Variants in TES observed in about 807,000 individuals in gnomAD.
TES encodes the protein testin.
Under a neutral mutation model 48.2 loss-of-function variants are expected in TES, and 41 were observed. The ratio of observed to expected loss-of-function variants is 0.85; its 90% CI spans 0.66 to 1.10. The LOEUF (loss-of-function observed/expected upper bound fraction) is 1.10. Ranked by LOEUF, TES falls within the 50% of genes least tolerant of loss-of-function variation. The pLI, the probability that TES is intolerant of heterozygous loss-of-function variation, is 0.00. For missense variants in TES, 463 were observed against 515.1 expected, an observed-to-expected ratio of 0.90 and a Z score of 0.98; for synonymous variants, 162 against 174.9, an observed-to-expected ratio of 0.93 and a Z score of 0.58.
At chr7:116,222,699 A>G (rs1408181139) in intron 1 of TES, 1 of 152,224 alleles carries the variant, frequency 6.6e-6, no homozygotes, top group Non-Finnish European at 1.5e-5. Flanking sequence ...CTGTGGAGAT[A>G]GTGACACAAG....
At chr7:116,247,612 T>C (rs1361703447) in intron 2 of TES, among the ~76,000 whole-genome samples, 6 of 152,162 alleles carry the variant, frequency 3.9e-5, no homozygotes, top group Non-Finnish European at 8.8e-5. Flanking sequence ...TTGATAAAAA[T>C]CAAATGAATA....
intron 1 of TES, among the ~76,000 whole-genome samples, chr7:116,224,390 A>G (rs908801111): frequency 1.3e-5 from 2 of 152,140 alleles, no homozygotes; most frequent in African/African-American, 4.8e-5. Context: ...AAAGAATGAT[A>G]TTTTGCTTCA....
At chr7:116,249,336 T>C in intron 3 of TES, 64 bp downstream of exon 3, 1 of 1,590,848 alleles carries the variant, frequency 6.3e-7, no homozygotes, top group Non-Finnish European at 8.6e-7. Flanking sequence ...TGGGGCAGTT[T>C]CTTTGATGAC....
rs533850802 is a variant in TES at position 116,257,758 on chromosome 7, T to G, written c.*276T>G. On this transcript the variant is annotated 3_prime_UTR_variant, in exon 7 of 7. Coordinates refer to ENST00000358204, the MANE Select transcript of TES (RefSeq NM_015641.4). ...TCATTTTTGGAAGCTTGGATCTCATTAAACTTCATGTCTCTATTCCATTTG... is the reference window on the plus strand; with the variant it reads ...TCATTTTTGGAAGCTTGGATCTCATGAAACTTCATGTCTCTATTCCATTTG... 71 of 237,474 alleles carry G rather than the reference T, an allele frequency of 3.0e-4. No individual in the cohort carries two copies. The highest frequency in any genetic ancestry group is 5.0e-4 in the Non-Finnish European group (62 of 122,804). 14.7% of individuals were successfully genotyped at this position (237,474 alleles called of 1,614,324 possible).
intron 1 of TES, among the ~76,000 whole-genome samples, chr7:116,212,762 A>G (rs191753386): frequency 2.6e-5 from 4 of 152,298 alleles, no homozygotes; most frequent in African/African-American, 9.6e-5. Context: ...TGCCCTTGAC[A>G]TATGGTGTAA....
At chr7:116,230,470 A>G (rs1299694843) in intron 1 of TES, among the ~76,000 whole-genome samples, 1 of 152,154 alleles carries the variant, frequency 6.6e-6, no homozygotes, top group African/African-American at 2.4e-5. Context: ...TACAGAGCCA[A>G]TTTCTCAAGT....
intron 2 of TES, among the ~76,000 whole-genome samples, chr7:116,235,846 CAA>C (rs1293872116): frequency 1.3e-5 from 2 of 152,200 alleles, no homozygotes; most frequent in Non-Finnish European, 2.9e-5. Context: ...AGAATATAAA[CAA>C]ATAAAATTTT....
chr7:116,247,641 A>G (rs532421591), intron 2 of TES, among the ~76,000 whole-genome samples: 12 of 152,338 alleles, frequency 7.9e-5, no homozygotes, highest in African/African-American at 2.9e-4. Flanking sequence ...TCGTTATCAT[A>G]TCAGAAATGC....
intron 1 of TES, among the ~76,000 whole-genome samples, chr7:116,228,007 T>TG (rs755446054): frequency 1.5e-5 from 2 of 133,116 alleles, no homozygotes; most frequent in African/African-American, 3.0e-5. Context: ...GTCTTTTTTT[T>TG]GTTTTTTTTT....
At position 116,241,653 on chromosome 7, in the gene TES, G is replaced by A. The variant is rs146774081; in HGVS notation, c.113+7034G>A. 2.2e-3 allele frequency among the ~76,000 whole-genome samples: 333 copies of A among 152,050 alleles called. 2 individuals carry two copies. Among genetic ancestry groups the A allele is most frequent in the African/African-American group, 7.8e-3 (323 of 41,462 alleles). On this transcript the variant is annotated intron_variant, in intron 2 of 6. Coordinates refer to ENST00000358204, the MANE Select transcript of TES (RefSeq NM_015641.4). Reference sequence around the variant, plus strand: ...TCAATCATAGGTTTTCTCTACTTAGGAAACTGAAAATTATATGGCATAGTA... The same window carrying A: ...TCAATCATAGGTTTTCTCTACTTAGAAAACTGAAAATTATATGGCATAGTA...
chr7:116,212,154 C>CAAA (rs1182998648), intron 1 of TES, among the ~76,000 whole-genome samples: 12 of 152,150 alleles, frequency 7.9e-5, no homozygotes, highest in Non-Finnish European at 1.8e-4. Context: ...GTAAGAGCTA[C>CAAA]TTAATTTAGT....
chr7:116,225,738 C>T (rs1799613961), intron 1 of TES, among the ~76,000 whole-genome samples: 1 of 152,196 alleles, frequency 6.6e-6, no homozygotes, highest in Non-Finnish European at 1.5e-5. Flanking sequence ...GCCATGTTGA[C>T]AACTAAAGAC....
At chr7:116,248,536 T>C (rs536479775) in intron 2 of TES, among the ~76,000 whole-genome samples, 1 of 152,302 alleles carries the variant, frequency 6.6e-6, no homozygotes, top group Admixed American at 6.5e-5. Context: ...CCTTAATGAT[T>C]AGTGATATTG....
intron 1 of TES, among the ~76,000 whole-genome samples, chr7:116,227,630 CTGGA>C (rs1445107524): frequency 6.6e-5 from 10 of 151,996 alleles, no homozygotes; most frequent in Non-Finnish European, 1.0e-4. Flanking sequence ...GAATATTTAT[CTGGA>C]TGAACAAAAT....
intron 2 of TES, among the ~76,000 whole-genome samples, chr7:116,246,944 C>A (rs548582011): frequency 7.2e-5 from 7 of 97,842 alleles, no homozygotes; most frequent in Admixed American, 4.1e-4. Context: ...AGAGACTAGG[C>A]CCCTTTTTTT....
intron 2 of TES, among the ~76,000 whole-genome samples, chr7:116,244,842 G>T (rs535549827): frequency 6.6e-6 from 1 of 152,178 alleles, no homozygotes; most frequent in East Asian, 1.9e-4. Flanking sequence ...AACATCAGTT[G>T]TTGTCTTCTG....
chr7:116,254,758 A>ATATG lies in TES; in HGVS notation c.1077+2283_1077+2284insATGT, dbSNP rs1471883193. On this transcript the variant is annotated intron_variant, in intron 6 of 6. Transcript: ENST00000358204. Reference sequence around the variant, plus strand: ...TCCGTCTCAAAAAAAATATATATATATGTGTGTGTGTGTGTGTGTGTGTGT... The same window carrying ATATG: ...TCCGTCTCAAAAAAAATATATATATATATGTGTGTGTGTGTGTGTGTGTGTGTGT... Among the ~76,000 whole-genome samples the ATATG allele has an allele frequency of 1.4e-4, 16 of 116,806 alleles. No homozygotes were observed. In the South Asian group the frequency reaches 4.3e-3, roughly 32 times the overall value. The allele number at this position is 116,806 out of a possible 152,430, so 76.6% of individuals were successfully genotyped here.
chr7:116,229,668 C>T (rs1041583107), intron 1 of TES, among the ~76,000 whole-genome samples: 2 of 152,150 alleles, frequency 1.3e-5, no homozygotes, highest in African/African-American at 4.8e-5. Context: ...ATGCATTTGA[C>T]TTATGAAGGG....
At chr7:116,212,064 C>A (rs1799445007) in intron 1 of TES, among the ~76,000 whole-genome samples, 1 of 151,966 alleles carries the variant, frequency 6.6e-6, no homozygotes, top group Non-Finnish European at 1.5e-5. Context: ...TCTTGCTTGT[C>A]ATGGGGGAAA....
Sources: allele counts gnomAD v4.1 joint callset (sites outside exome capture counted in the v4.1 genomes callset), GRCh38; gene constraint gnomAD v4.1.1; transcripts MANE v1.5; gene names NCBI Gene and HGNC (gene_info 2026-07-23, HGNC 2026-07-21).